Variants in GRIK4 observed in about 807,000 individuals in gnomAD.
The protein encoded by GRIK4 is glutamate receptor ionotropic, kainate 4.
In GRIK4, 40 loss-of-function variants were observed where a neutral mutation model predicts 104.9. That is an observed-to-expected ratio of 0.38 (90% CI 0.30 to 0.50). The LOEUF is 0.50. Ranked by LOEUF, GRIK4 falls within the 20% of genes least tolerant of loss-of-function variation. The pLI is 0.93. For missense variants in GRIK4, 1,047 were observed against 1,308.1 expected (o/e 0.80, Z 3.08); for synonymous variants, 485 against 524.9 (o/e 0.92, Z 1.04).
At chr11:120,813,735 T>A (rs1952876064) in intron 4 of GRIK4, among the ~76,000 whole-genome samples, 1 of 152,188 alleles carries the variant, frequency 6.6e-6, no homozygotes, top group Non-Finnish European at 1.5e-5. Context: ...CAGGTGTGGC[T>A]TTACAGCTGG....
At chr11:120,687,050 C>T (rs1362315396) in intron 3 of GRIK4, among the ~76,000 whole-genome samples, 1 of 152,172 alleles carries the variant, frequency 6.6e-6, no homozygotes, top group Admixed American at 6.5e-5. Context: ...GTTTTGAATT[C>T]ATGCTAGACT....
At chr11:120,601,074 T>G (rs1203494838) in intron 1 of GRIK4, among the ~76,000 whole-genome samples, 5 of 150,942 alleles carry the variant, frequency 3.3e-5, no homozygotes, top group African/African-American at 1.2e-4. Flanking sequence ...GCAAAACTCA[T>G]GAGAACTATT....
At chr11:120,531,941 T>C (rs542540214) in intron 1 of GRIK4, among the ~76,000 whole-genome samples, 1 of 152,220 alleles carries the variant, frequency 6.6e-6, no homozygotes, top group African/African-American at 2.4e-5. Context: ...CCAGTGACCT[T>C]TGGATGTCCC....
intron 9 of GRIK4, among the ~76,000 whole-genome samples, chr11:120,864,661 A>T (rs1954357730): frequency 6.6e-6 from 1 of 152,268 alleles, no homozygotes; most frequent in Admixed American, 6.5e-5. Context: ...CTAGTGAAGT[A>T]AATGGTCCCA....
chr11:120,814,790 G>A (rs1952901064), intron 4 of GRIK4, among the ~76,000 whole-genome samples: 1 of 152,142 alleles, frequency 6.6e-6, no homozygotes, highest in Non-Finnish European at 1.5e-5. Context: ...TGAACGACGG[G>A]GGCATTGACA....
At chr11:120,969,421 A>G (rs551597376) in intron 19 of GRIK4, among the ~76,000 whole-genome samples, 1 of 152,238 alleles carries the variant, frequency 6.6e-6, no homozygotes, top group South Asian at 2.1e-4. Context: ...GATGTGGGGC[A>G]GGAGTCAGTG....
chr11:120,659,013 G>A (rs1024072300), intron 2 of GRIK4, among the ~76,000 whole-genome samples: 2 of 151,970 alleles, frequency 1.3e-5, no homozygotes, highest in African/African-American at 2.4e-5. Context: ...CTCCCAAAGT[G>A]CTGGGATTAC....
intron 8 of GRIK4, among the ~76,000 whole-genome samples, chr11:120,858,022 G>C (rs909578628): frequency 1.3e-5 from 2 of 152,184 alleles, no homozygotes; most frequent in African/African-American, 4.8e-5. Flanking sequence ...TCCCTGGTTT[G>C]GGACAATGGG....
chr11:120,918,929 G>A (rs1258907440), intron 13 of GRIK4, among the ~76,000 whole-genome samples: 1 of 152,122 alleles, frequency 6.6e-6, no homozygotes, highest in Non-Finnish European at 1.5e-5. Context: ...ACAATCTTAC[G>A]TGATAAATAT....
intron 1 of GRIK4, among the ~76,000 whole-genome samples, chr11:120,650,375 G>A (rs904988026): frequency 2.6e-5 from 4 of 152,206 alleles, no homozygotes; most frequent in African/African-American, 9.6e-5. Flanking sequence ...AGAAGCTCTA[G>A]CTTTGTGGTT....
At chr11:120,703,983 C>A (rs1950592229) in intron 3 of GRIK4, among the ~76,000 whole-genome samples, 3 of 152,192 alleles carry the variant, frequency 2.0e-5, no homozygotes, top group Admixed American at 1.3e-4. Flanking sequence ...AAACTTAGAA[C>A]CACATAGTTT....
intron 1 of GRIK4, among the ~76,000 whole-genome samples, chr11:120,635,961 T>C (rs897915016): frequency 3.9e-5 from 6 of 152,216 alleles, no homozygotes; most frequent in Admixed American, 1.3e-4. Flanking sequence ...AGGCATCCGC[T>C]ATCCTGACTT....
intron 1 of GRIK4, among the ~76,000 whole-genome samples, chr11:120,600,753 CCTT>C (rs1948873730): frequency 1.3e-5 from 2 of 152,188 alleles, no homozygotes; most frequent in African/African-American, 4.8e-5. Context: ...AGGTCAGTGA[CCTT>C]CAAAAAGATT....
chr11:120,667,151 T>C (rs191377164), intron 3 of GRIK4, among the ~76,000 whole-genome samples: 13 of 152,354 alleles, frequency 8.5e-5, no homozygotes, highest in Non-Finnish European at 1.3e-4. Flanking sequence ...CTTTTCACCT[T>C]TGGTCTCTTC....
In GRIK4 at chr11:120,986,457, C is replaced by T; in HGVS notation, c.*197C>T. The T allele has an allele frequency of 1.4e-6, 1 of 727,134 alleles. No homozygotes were observed. The allele number at this position is 727,134 out of a possible 1,614,324, so 45.0% of individuals were successfully genotyped here. ...CGCCCGGTCAGGGAGCAGGGTCCAC[C>T]CGGAAACGTTGCACCCAAAGGGCAA... is the stretch of plus-strand genomic sequence containing the variant. On this transcript the variant is annotated 3_prime_UTR_variant, in exon 21 of 21. Coordinates refer to ENST00000527524, the MANE Select transcript of GRIK4 (RefSeq NM_014619.5).
chr11:120,904,212 T>C (rs1298867618), intron 12 of GRIK4, among the ~76,000 whole-genome samples: 1 of 152,176 alleles, frequency 6.6e-6, no homozygotes, highest in Non-Finnish European at 1.5e-5. Context: ...CTCCACATTT[T>C]AAACACCCAG....
Position 120,726,593 on chromosome 11 carries a change from G to C in GRIK4, c.82+66193G>C, listed in dbSNP as rs540823676. ...AGACTGACTGCTAAGTTTTTGGCCT[G>C]AGCAATTGGGAAGGAGGTGGTGCCA... On this transcript the variant is annotated intron_variant, in intron 3 of 20. Coordinates refer to ENST00000527524, the MANE Select transcript of GRIK4 (RefSeq NM_014619.5). Among the ~76,000 whole-genome samples the C allele has an allele frequency of 5.9e-5, 9 of 152,330 alleles. No individual in the cohort carries two copies. The South Asian group carries it at 1.7e-3, about 28-fold the overall frequency.
chr11:120,603,804 G>A (rs1300379030), intron 1 of GRIK4, among the ~76,000 whole-genome samples: 1 of 152,150 alleles, frequency 6.6e-6, no homozygotes, highest in Non-Finnish European at 1.5e-5. Context: ...GGGTGCTACT[G>A]GCACGTGGTG....
chr11:120,616,910 G>A (rs998604721), intron 1 of GRIK4, among the ~76,000 whole-genome samples: 1 of 152,204 alleles, frequency 6.6e-6, no homozygotes, highest in Admixed American at 6.5e-5. Flanking sequence ...TTGCCCTGGG[G>A]TTCCTTGAAG....
Sources: allele counts gnomAD v4.1 joint callset (sites outside exome capture counted in the v4.1 genomes callset), GRCh38; gene constraint gnomAD v4.1.1; transcripts MANE v1.5; gene names NCBI Gene and HGNC (gene_info 2026-07-23, HGNC 2026-07-21).